Variants in COL22A1 observed in about 807,000 individuals in gnomAD.
The protein encoded by COL22A1 is collagen type XXII alpha 1 chain.
A neutral mutation model predicts 248.9 loss-of-function variants in COL22A1; 221 were observed. The ratio of observed to expected loss-of-function variants is 0.89; its 90% CI spans 0.80 to 0.99. The LOEUF is 0.99. Ranked by LOEUF, COL22A1 falls within the 50% of genes least tolerant of loss-of-function variation. The pLI is 0.00. For synonymous variants in COL22A1, 891 were observed against 793.4 expected, an observed-to-expected ratio of 1.12 and a Z score of -2.07; for missense variants, 2,240 against 2,179.0, an observed-to-expected ratio of 1.03 and a Z score of -0.56.
At chr8:138,643,802 C>T (rs1233249277) in intron 47 of COL22A1, among the ~76,000 whole-genome samples, 4 of 152,126 alleles carry the variant, frequency 2.6e-5, no homozygotes, top group African/African-American at 7.2e-5. Flanking sequence ...CGGGTTCAAG[C>T]GATTCTTATG....
At chr8:138,792,926 G>C (rs1050555270) in intron 12 of COL22A1, among the ~76,000 whole-genome samples, 1 of 152,150 alleles carries the variant, frequency 6.6e-6, no homozygotes, top group African/African-American at 2.4e-5. Context: ...ACCTTGTGCA[G>C]GTCACTTGAC....
intron 47 of COL22A1, among the ~76,000 whole-genome samples, chr8:138,644,229 T>C (rs2130482027): frequency 6.6e-6 from 1 of 152,218 alleles, no homozygotes; most frequent in East Asian, 1.9e-4. Flanking sequence ...GGTTGGGTCA[T>C]GTCTTTATTT....
At chr8:138,786,805 G>A (rs1459729172) in intron 12 of COL22A1, among the ~76,000 whole-genome samples, 1 of 152,196 alleles carries the variant, frequency 6.6e-6, no homozygotes, top group Non-Finnish European at 1.5e-5. Flanking sequence ...TTGGGAGGCT[G>A]AGGCAGGAGA....
At position 138,731,496 on chromosome 8, in the gene COL22A1, G is replaced by A. The variant is rs530169104; in HGVS notation, c.2139+6028C>T. On this transcript the variant is annotated intron_variant, in intron 23 of 64. Transcript: ENST00000303045. ...CTGAGCCAGAGCTCAGTGGTGATGC[G>A]GTGACCAGCTGGATTGGGACTGGGA... Among the ~76,000 whole-genome samples the A allele has an allele frequency of 3.1e-4, 47 of 152,168 alleles. No homozygotes were observed. The East Asian group carries it at 5.0e-3, about 16-fold the overall frequency.
chr8:138,858,411 T>C (rs1822205525), intron 3 of COL22A1, among the ~76,000 whole-genome samples: 1 of 152,140 alleles, frequency 6.6e-6, no homozygotes, highest in African/African-American at 2.4e-5. Flanking sequence ...GGCTGGGTCT[T>C]GCTTTATCAC....
chr8:138,617,850 A>G (rs562814316), intron 53 of COL22A1, among the ~76,000 whole-genome samples: 27 of 152,272 alleles, frequency 1.8e-4, no homozygotes, highest in Middle Eastern at 3.4e-3. Flanking sequence ...GCTAGAACCT[A>G]CTTCTGCAGA....
chr8:138,814,441 C>T (rs922195699), intron 7 of COL22A1, among the ~76,000 whole-genome samples: 1 of 151,988 alleles, frequency 6.6e-6, no homozygotes, highest in African/African-American at 2.4e-5. Flanking sequence ...CTCTGTCTCT[C>T]TGTGTGTCCC....
intron 1 of COL22A1, among the ~76,000 whole-genome samples, chr8:138,894,230 T>C (rs1403857628): frequency 6.6e-6 from 1 of 152,150 alleles, no homozygotes; most frequent in Non-Finnish European, 1.5e-5. Flanking sequence ...CTGGGGCCAG[T>C]GGATGTTTAC....
chr8:138,910,336 T>C (rs1815367588), intron 1 of COL22A1, among the ~76,000 whole-genome samples: 1 of 152,022 alleles, frequency 6.6e-6, no homozygotes, highest in Non-Finnish European at 1.5e-5. Context: ...CACACACACA[T>C]ACACATGTAC....
intron 32 of COL22A1, 33 bp downstream of exon 32, chr8:138,700,079 C>G: frequency 3.1e-6 from 5 of 1,609,012 alleles, no homozygotes; most frequent in Non-Finnish European, 4.2e-6. Context: ...GGCCGAGGCA[C>G]ACTGGGCACC....
intron 22 of COL22A1, among the ~76,000 whole-genome samples, chr8:138,746,893 C>T (rs1399494462): frequency 6.6e-6 from 1 of 152,192 alleles, no homozygotes; most frequent in African/African-American, 2.4e-5. Flanking sequence ...AACTGGCCTC[C>T]TTCCTGCAGT....
At position 138,737,051 on chromosome 8, in the gene COL22A1, G is replaced by C. The variant is rs377753521; in HGVS notation, c.2139+473C>G. 7.9e-5 allele frequency among the ~76,000 whole-genome samples: 12 copies of C among 152,208 alleles called. No individual in the cohort carries two copies. The East Asian group carries it at 2.3e-3, about 30-fold the overall frequency. ...GCTGCTCCATGCCCTGTGCTCCAGC[G>C]GCACCACATGCTGCTCCATTCCTGC... On this transcript the variant is annotated intron_variant, in intron 23 of 64. Transcript: ENST00000303045.
chr8:138,594,245 G>GCCATCCTGTCCTATGTCC, intron 62 of COL22A1, 46 bp from the exon 63 acceptor site: 1 of 1,523,922 alleles, frequency 6.6e-7, no homozygotes, highest in Non-Finnish European at 8.8e-7. Flanking sequence ...ACAGATAGTG[G>GCCATCCTGTCCTATGTCC]ACATAGGACA....
At chr8:138,668,665 A>G (rs571431184) in intron 41 of COL22A1, among the ~76,000 whole-genome samples, 2 of 152,170 alleles carry the variant, frequency 1.3e-5, no homozygotes, top group African/African-American at 4.8e-5. Context: ...GTGAACTTTT[A>G]TTCTCCGTAA....
Position 138,873,395 on chromosome 8 carries a change from G to T in COL22A1, c.658+4355C>A, listed in dbSNP as rs80131987. Among the ~76,000 whole-genome samples, 16 of 152,158 alleles carry T rather than the reference G, an allele frequency of 1.1e-4. No homozygotes were observed. In the South Asian group the frequency reaches 1.9e-3, roughly 18 times the overall value. ...ATCATTGCCCATGAACTTCTAATGC[G>T]CACATCACAACAGCAAGCACAGAAT... is the stretch of plus-strand genomic sequence containing the variant. On this transcript the variant is annotated intron_variant, in intron 3 of 64. Transcript: ENST00000303045.
chr8:138,806,280 G>A (rs1817720959), intron 10 of COL22A1, among the ~76,000 whole-genome samples: 1 of 150,976 alleles, frequency 6.6e-6, no homozygotes, highest in Non-Finnish European at 1.5e-5. Context: ...GTGAGATGGT[G>A]TGTTTGATGG....
chr8:138,821,639 G>A (rs1192719759), intron 6 of COL22A1, among the ~76,000 whole-genome samples: 1 of 152,158 alleles, frequency 6.6e-6, no homozygotes, highest in Non-Finnish European at 1.5e-5. Context: ...CTTGCAGGCT[G>A]TTCTAAACCC....
rs541585119 is a variant in COL22A1, at chr8:138,910,932, T to C, written c.-73+2687A>G. On this transcript the variant is annotated intron_variant, in intron 1 of 64. Transcript: ENST00000303045. ...TAACCACACCACCCATGTTGACCTC[T>C]ATCAAAAACATCATAAGCACCTTCG... 5.9e-5 allele frequency among the ~76,000 whole-genome samples: 9 copies of C among 152,316 alleles called. No homozygotes were observed. In the South Asian group the frequency reaches 1.9e-3, roughly 32 times the overall value.
chr8:138,694,664 G>A lies in COL22A1; in HGVS notation c.2647-103C>T, dbSNP rs1361593857. ...CAATGGGTATAATTTGAGATCCAAG[G>A]AGGGGACGTAGCTAGCGTCCTGAGG... On this transcript the variant is annotated intron_variant, in intron 33 of 64. Transcript: ENST00000303045. The A allele has an allele frequency of 2.1e-6, 3 of 1,398,290 alleles. No individual in the cohort carries two copies. In the African/African-American group the frequency reaches 4.3e-5, roughly 20 times the overall value. The allele number at this position is 1,398,290 out of a possible 1,614,324, so 86.6% of individuals were successfully genotyped here. A position where few individuals can be genotyped will look rare whatever the true frequency, so the allele number is the denominator to read the frequency against.
Sources: allele counts gnomAD v4.1 joint callset (sites outside exome capture counted in the v4.1 genomes callset), GRCh38; gene constraint gnomAD v4.1.1; transcripts MANE v1.5; gene names NCBI Gene and HGNC (gene_info 2026-07-23, HGNC 2026-07-21).